The following CADPS2 variants were observed in gnomAD, a reference collection of about 807,000 sequenced individuals.
CADPS2 encodes calcium dependent secretion activator 2.
Under a neutral mutation model 172.5 loss-of-function variants are expected in CADPS2, and 93 were observed. The observed-to-expected ratio is 0.54, with a 90% CI of 0.46 to 0.64. The LOEUF is 0.64. Ranked by LOEUF, CADPS2 falls within the 30% of genes least tolerant of loss-of-function variation. CADPS2 has a pLI of 0.00. For missense variants in CADPS2, 1,420 were observed against 1,565.9 expected, an observed-to-expected ratio of 0.91 and a Z score of 1.57; for synonymous variants, 546 against 555.2, an observed-to-expected ratio of 0.98 and a Z score of 0.23.
At chr7:122,791,477 G>T (rs1334891325) in intron 1 of CADPS2, among the ~76,000 whole-genome samples, 2 of 151,894 alleles carry the variant, frequency 1.3e-5, no homozygotes, top group Admixed American at 1.3e-4. Context: ...AGAAAGTCAA[G>T]CATACTGAAA....
intron 7 of CADPS2, among the ~76,000 whole-genome samples, chr7:122,564,718 G>A (rs373177332): frequency 1.7e-4 from 26 of 152,126 alleles, no homozygotes; most frequent in African/African-American, 5.5e-4. Flanking sequence ...GCATGCCTAC[G>A]TTTATCACAG....
intron 1 of CADPS2, among the ~76,000 whole-genome samples, chr7:122,842,227 C>A (rs1007501294): frequency 3.9e-5 from 6 of 152,200 alleles, no homozygotes; most frequent in Non-Finnish European, 7.3e-5. Flanking sequence ...CTGTCAGGCT[C>A]TCCATGGACC....
intron 2 of CADPS2, among the ~76,000 whole-genome samples, chr7:122,679,060 A>G (rs998329004): frequency 6.6e-6 from 1 of 152,102 alleles, no homozygotes; most frequent in African/African-American, 2.4e-5. Context: ...CGTTTGAACA[A>G]TATGAAATCT....
intron 1 of CADPS2, among the ~76,000 whole-genome samples, chr7:122,857,210 T>G (rs1815510780): frequency 6.6e-6 from 1 of 152,178 alleles, no homozygotes; most frequent in Non-Finnish European, 1.5e-5. Context: ...ATGATAAGGA[T>G]GAACTGCTCA....
chr7:122,727,044 T>C (rs987246363), intron 2 of CADPS2, among the ~76,000 whole-genome samples: 1 of 152,002 alleles, frequency 6.6e-6, no homozygotes, highest in African/African-American at 2.4e-5. Context: ...AGAATTCCTC[T>C]AAGTACTAAC....
chr7:122,792,090 C>T (rs1795414676), intron 1 of CADPS2, among the ~76,000 whole-genome samples: 2 of 152,116 alleles, frequency 1.3e-5, no homozygotes, highest in African/African-American at 4.8e-5. Flanking sequence ...AACCTTGTAC[C>T]AAGCAAAATG....
intron 3 of CADPS2, among the ~76,000 whole-genome samples, chr7:122,637,920 C>T (rs758503130): frequency 2.0e-5 from 3 of 152,154 alleles, no homozygotes; most frequent in Non-Finnish European, 2.9e-5. Flanking sequence ...TTCACAGGTG[C>T]TGTATGCTGG....
intron 1 of CADPS2, among the ~76,000 whole-genome samples, chr7:122,780,835 C>T (rs1447010105): frequency 2.0e-5 from 3 of 152,174 alleles, no homozygotes; most frequent in African/African-American, 4.8e-5. Flanking sequence ...ACGATTTACA[C>T]TCTATTCCCT....
chr7:122,621,245 G>A (rs749825200), intron 5 of CADPS2, among the ~76,000 whole-genome samples: 4 of 152,070 alleles, frequency 2.6e-5, no homozygotes, highest in Non-Finnish European at 5.9e-5. Flanking sequence ...GCATAAAGAA[G>A]ACTTGCCTTA....
intron 1 of CADPS2, among the ~76,000 whole-genome samples, chr7:122,805,847 C>T (rs1260670760): frequency 1.3e-5 from 2 of 152,230 alleles, no homozygotes; most frequent in African/African-American, 4.8e-5. Flanking sequence ...TAATTTGCTA[C>T]AGCCCTGTGA....
At chr7:122,634,119 T>C (rs986154382) in intron 3 of CADPS2, among the ~76,000 whole-genome samples, 2 of 152,128 alleles carry the variant, frequency 1.3e-5, no homozygotes, top group Admixed American at 6.6e-5. Flanking sequence ...CTATATTCAT[T>C]AGGGATATTG....
In CADPS2 at chr7:122,319,150, T is replaced by A. The variant is rs1584974824; in HGVS notation, c.*1015A>T. 6.6e-6 allele frequency: 1 copy of A among 152,230 alleles called. No homozygotes were observed. The highest frequency in any genetic ancestry group is 6.5e-5 in the Admixed American group (1 of 15,282). The allele number at this position is 152,230 out of a possible 1,614,324, so 9.4% of individuals were successfully genotyped here. On this transcript the variant is annotated 3_prime_UTR_variant, in exon 30 of 30. Transcript: ENST00000449022. ...ATATTAACTAATAATATATGAAATA[T>A]ATATTTCCTCTGCTATGGAAATATG...
intron 8 of CADPS2, among the ~76,000 whole-genome samples, chr7:122,527,179 T>C (rs2061304687): frequency 6.6e-6 from 1 of 152,106 alleles, no homozygotes; most frequent in Non-Finnish European, 1.5e-5. Flanking sequence ...ATGTGAATGA[T>C]GAAAACATTA....
intron 7 of CADPS2, among the ~76,000 whole-genome samples, chr7:122,555,575 A>T (rs924059118): frequency 1.3e-5 from 2 of 152,146 alleles, no homozygotes; most frequent in Non-Finnish European, 2.9e-5. Context: ...AATTATAAAC[A>T]TTCTCAGGTA....
intron 1 of CADPS2, among the ~76,000 whole-genome samples, chr7:122,845,639 C>T (rs1037844693): frequency 2.0e-5 from 3 of 152,200 alleles, no homozygotes; most frequent in African/African-American, 7.2e-5. Flanking sequence ...AAAAGCCCTC[C>T]ACATCAACTA....
chr7:122,488,356 A>C (rs1454921285), intron 11 of CADPS2, among the ~76,000 whole-genome samples: 2 of 152,188 alleles, frequency 1.3e-5, no homozygotes, highest in East Asian at 1.9e-4. Context: ...AGTAGGAAAG[A>C]AGCAGTGGAT....
intron 1 of CADPS2, among the ~76,000 whole-genome samples, chr7:122,778,873 C>A (rs983148868): frequency 3.9e-5 from 6 of 152,182 alleles, no homozygotes; most frequent in South Asian, 4.1e-4. Context: ...TGGAATGATA[C>A]AGTTTGGCTG....
At chr7:122,552,572 T>C (rs2064440422) in intron 8 of CADPS2, among the ~76,000 whole-genome samples, 1 of 152,038 alleles carries the variant, frequency 6.6e-6, no homozygotes, top group Non-Finnish European at 1.5e-5. Flanking sequence ...CTGGATTGTC[T>C]CACCTATCCT....
intron 6 of CADPS2, among the ~76,000 whole-genome samples, chr7:122,585,260 C>A (rs955118169): frequency 3.3e-5 from 5 of 151,228 alleles, no homozygotes; most frequent in African/African-American, 1.2e-4. Context: ...TTTATCATTT[C>A]TTTATAAGAA....
Sources: allele counts gnomAD v4.1 joint callset (sites outside exome capture counted in the v4.1 genomes callset), GRCh38; gene constraint gnomAD v4.1.1; transcripts MANE v1.5; gene names NCBI Gene and HGNC (gene_info 2026-07-23, HGNC 2026-07-21).